ITGA8: variants seen among roughly 807,000 people sequenced by gnomAD.
ITGA8 encodes integrin alpha-8.
A neutral mutation model predicts 142.3 loss-of-function variants in ITGA8; 91 were observed. The ratio of observed to expected loss-of-function variants is 0.64; its 90% CI spans 0.54 to 0.76. The LOEUF (loss-of-function observed/expected upper bound fraction) is 0.76, where lower values mean the gene tolerates loss of function less well. Among genes scored for constraint, ITGA8 ranks in the 30% least tolerant of loss-of-function variants. The pLI is 0.00. For synonymous variants in ITGA8, 505 were observed against 485.2 expected, an observed-to-expected ratio of 1.04 and a Z score of -0.54; for missense variants, 1,406 against 1,327.7, an observed-to-expected ratio of 1.06 and a Z score of -0.92.
chr10:15,632,757 G>A (rs1036604728), intron 13 of ITGA8, among the ~76,000 whole-genome samples: 8 of 151,848 alleles, frequency 5.3e-5, no homozygotes, highest in Non-Finnish European at 8.8e-5. Flanking sequence ...GGAGCTGGTT[G>A]TTAACCAATT....
At chr10:15,551,108 G>A (rs1385132915) in intron 26 of ITGA8, among the ~76,000 whole-genome samples, 1 of 152,148 alleles carries the variant, frequency 6.6e-6, no homozygotes, top group Non-Finnish European at 1.5e-5. Context: ...GAGAAGTCAT[G>A]GAGACAAGGG....
chr10:15,543,029 A>C (rs1019006075), intron 27 of ITGA8, among the ~76,000 whole-genome samples: 2 of 152,230 alleles, frequency 1.3e-5, no homozygotes, highest in African/African-American at 4.8e-5. Context: ...AAGAGCATAC[A>C]GAGTTATTGC....
intron 13 of ITGA8, among the ~76,000 whole-genome samples, chr10:15,636,477 G>A (rs1468372121): frequency 6.6e-6 from 1 of 152,196 alleles, no homozygotes; most frequent in African/African-American, 2.4e-5. Flanking sequence ...CGTATTGGGT[G>A]GTTGAGGTGG....
chr10:15,705,483 A>G (rs969245045), intron 2 of ITGA8, among the ~76,000 whole-genome samples: 3 of 152,144 alleles, frequency 2.0e-5, no homozygotes, highest in Non-Finnish European at 4.4e-5. Flanking sequence ...CAGTCCTTCC[A>G]CTTGTAGAGG....
At chr10:15,546,159 C>A (rs1302706871) in intron 27 of ITGA8, among the ~76,000 whole-genome samples, 3 of 152,180 alleles carry the variant, frequency 2.0e-5, no homozygotes, top group Non-Finnish European at 2.9e-5. Flanking sequence ...GCAGAAGCAG[C>A]CGCACTCCCT....
chr10:15,694,960 C>T (rs1201356444), intron 2 of ITGA8, among the ~76,000 whole-genome samples: 1 of 151,640 alleles, frequency 6.6e-6, no homozygotes, highest in Non-Finnish European at 1.5e-5. Flanking sequence ...TAAAGGAGAT[C>T]GCAGAAGGAC....
intron 2 of ITGA8, among the ~76,000 whole-genome samples, chr10:15,714,073 T>G (rs188107434): frequency 6.6e-6 from 1 of 152,176 alleles, no homozygotes; most frequent in African/African-American, 2.4e-5. Flanking sequence ...CTTTGATGAT[T>G]ATCATAATTA....
chr10:15,576,929 G>A (rs1006961244), intron 23 of ITGA8, among the ~76,000 whole-genome samples: 32 of 152,226 alleles, frequency 2.1e-4, no homozygotes, highest in African/African-American at 5.5e-4. Flanking sequence ...ACATTTCTGC[G>A]TTTATATTGG....
chr10:15,578,217 G>A (rs1834335477), intron 23 of ITGA8, among the ~76,000 whole-genome samples: 1 of 152,030 alleles, frequency 6.6e-6, no homozygotes, highest in East Asian at 1.9e-4. Flanking sequence ...CCACTAATCT[G>A]TTCCTCATTT....
intron 17 of ITGA8, 95 bp from the exon 18 acceptor site, chr10:15,606,517 G>T: frequency 8.5e-7 from 1 of 1,176,952 alleles, no homozygotes; most frequent in East Asian, 2.4e-5. Context: ...TTTACTCAAT[G>T]AAAGTGAATG....
chr10:15,643,601 C>T (rs1833909570), intron 13 of ITGA8, among the ~76,000 whole-genome samples: 1 of 152,132 alleles, frequency 6.6e-6, no homozygotes. Context: ...AATATTTATG[C>T]TTTAAAAACA....
At chr10:15,679,105 A>G (rs945562121) in intron 4 of ITGA8, among the ~76,000 whole-genome samples, 1 of 152,112 alleles carries the variant, frequency 6.6e-6, no homozygotes, top group Non-Finnish European at 1.5e-5. Flanking sequence ...CAAATTTCCC[A>G]TGAGGCAATA....
At chr10:15,679,804 TG>T (rs1834701757) in intron 4 of ITGA8, among the ~76,000 whole-genome samples, 1 of 152,192 alleles carries the variant, frequency 6.6e-6, no homozygotes, top group Non-Finnish European at 1.5e-5. Flanking sequence ...GCCAACACGT[TG>T]ATTTCAAGGC....
intron 10 of ITGA8, among the ~76,000 whole-genome samples, chr10:15,658,392 A>T (rs893396740): frequency 6.6e-6 from 1 of 152,076 alleles, no homozygotes; most frequent in African/African-American, 2.4e-5. Flanking sequence ...CTTAGAAAAA[A>T]ATTCTTAATC....
intron 10 of ITGA8, among the ~76,000 whole-genome samples, chr10:15,658,475 C>G (rs1588703577): frequency 1.3e-5 from 2 of 152,118 alleles, no homozygotes; most frequent in East Asian, 3.9e-4. Flanking sequence ...GCTCCTACAT[C>G]TCTCTTGCTT....
intron 28 of ITGA8, among the ~76,000 whole-genome samples, chr10:15,530,363 T>C (rs1488467059): frequency 6.6e-6 from 1 of 151,924 alleles, no homozygotes; most frequent in African/African-American, 2.4e-5. Context: ...CTGGCCAACA[T>C]GGTGAAACCC....
intron 11 of ITGA8, 148 bp from the exon 12 acceptor site, chr10:15,647,199 TTGTTA>T (rs1254772999): frequency 1.6e-6 from 1 of 620,912 alleles, no homozygotes; most frequent in African/African-American, 1.8e-5. Flanking sequence ...TTTCGCTGCT[TTGTTA>T]TATCTATGGA....
chr10:15,523,691 C>T (rs1451447936), intron 28 of ITGA8, among the ~76,000 whole-genome samples: 1 of 149,656 alleles, frequency 6.7e-6, no homozygotes, highest in Non-Finnish European at 1.5e-5. Flanking sequence ...AGATGGATCA[C>T]TTGAGGTCAG....
At position 15,709,572 on chromosome 10, in the gene ITGA8, G is replaced by A. The variant is rs559051692; in HGVS notation, c.343+9194C>T. On this transcript the variant is annotated intron_variant, in intron 2 of 29. Coordinates refer to ENST00000378076, the MANE Select transcript of ITGA8 (RefSeq NM_003638.3). ...TCTGGATGTCTTGACTCTATCCAAT[G>A]CCTTCCATATTTTAAGGTCTATGGG... Among the ~76,000 whole-genome samples the A allele has an allele frequency of 1.6e-4, 24 of 152,312 alleles. No individual in the cohort carries two copies. In the South Asian group the frequency reaches 5.0e-3, roughly 32 times the overall value.
Sources: gnomAD v4.1 joint callset for allele counts (sites outside exome capture counted in the v4.1 genomes callset) on GRCh38, gnomAD v4.1.1 for gene constraint, MANE v1.5 for transcripts, NCBI Gene and HGNC (gene_info 2026-07-23, HGNC 2026-07-21) for gene names.